The following FANCC variants were observed in gnomAD, a reference collection of about 807,000 sequenced individuals.
FANCC encodes the protein FA complementation group C, also known as Fanconi anemia group C protein.
FANCC carries 55 observed loss-of-function variants against 71.3 expected under a neutral mutation model. That is an observed-to-expected ratio of 0.77 (90% confidence interval 0.62 to 0.97). FANCC has a LOEUF of 0.97. Among genes scored for constraint, FANCC ranks in the 50% least tolerant of loss-of-function variants. The pLI is 0.00. For missense variants in FANCC, 678 were observed against 670.9 expected, an observed-to-expected ratio of 1.01 and a Z score of -0.12; for synonymous variants, 275 against 244.9, an observed-to-expected ratio of 1.12 and a Z score of -1.15.
At chr9:95,261,335 C>T (rs553130076) in intron 1 of FANCC, among the ~76,000 whole-genome samples, 1 of 152,272 alleles carries the variant, frequency 6.6e-6, no homozygotes, top group African/African-American at 2.4e-5. Context: ...TTATCTTGCT[C>T]CAAATGTAAG....
chr9:95,127,962 G>A (rs1826259392), intron 8 of FANCC, among the ~76,000 whole-genome samples: 1 of 152,214 alleles, frequency 6.6e-6, no homozygotes, highest in Non-Finnish European at 1.5e-5. Flanking sequence ...AATAATCTAT[G>A]CTCCCTCATC....
At chr9:95,293,362 C>T (rs1834174118) in intron 1 of FANCC, 1 of 1,596,482 alleles carries the variant, frequency 6.3e-7, no homozygotes, top group East Asian at 2.2e-5. Context: ...GGGCTGTGCA[C>T]TTACTGCCTG....
At chr9:95,120,278 C>T (rs1465653708) in intron 10 of FANCC, among the ~76,000 whole-genome samples, 1 of 152,188 alleles carries the variant, frequency 6.6e-6, no homozygotes, top group African/African-American at 2.4e-5. Context: ...TTCCTTTCCC[C>T]ATTGAATTGT....
At chr9:95,183,074 A>T (rs1588240246) in intron 4 of FANCC, among the ~76,000 whole-genome samples, 1 of 152,032 alleles carries the variant, frequency 6.6e-6, no homozygotes, top group Non-Finnish European at 1.5e-5. Context: ...CTGGTCACCA[A>T]ATTCACCCAG....
chr9:95,260,668 A>G (rs1187685408), intron 1 of FANCC, among the ~76,000 whole-genome samples: 1 of 143,114 alleles, frequency 7.0e-6, no homozygotes, highest in Non-Finnish European at 1.5e-5. Context: ...CTGCACATGT[A>G]TCTCAGAACT....
At position 95,254,613 on chromosome 9, in the gene FANCC, A is replaced by G. The variant is rs562467281; in HGVS notation, c.-78-5244T>C. On this transcript the variant is annotated intron_variant, in intron 1 of 14. Transcript: ENST00000289081. ...CCAGAAGATTCCCTTGGGTGCCTAC[A>G]CCACCAGGGCCCTGGGTTTTAAGCA... 1.3e-4 allele frequency among the ~76,000 whole-genome samples: 20 copies of G among 152,280 alleles called. 1 individual carries two copies. In the South Asian group the frequency reaches 3.5e-3, roughly 27 times the overall value.
intron 1 of FANCC, among the ~76,000 whole-genome samples, chr9:95,278,923 T>C (rs1175694528): frequency 6.6e-6 from 1 of 152,092 alleles, no homozygotes; most frequent in African/African-American, 2.4e-5. Context: ...TTACTACTCA[T>C]GCCTGTAATC....
Position 95,101,633 on chromosome 9 carries a change from CA to C in FANCC, c.*73del, listed in dbSNP as rs926261922. 6 of 1,593,000 alleles carry C rather than the reference CA, an allele frequency of 3.8e-6. No homozygotes were observed. The African/African-American group carries it at 8.1e-5, about 21-fold the overall frequency. On this transcript the variant is annotated 3_prime_UTR_variant, in exon 15 of 15. Coordinates refer to ENST00000289081, the MANE Select transcript of FANCC (RefSeq NM_000136.3). ...CACTTACTCCACAAATGCGTGGCCA[CA>C]GGTCATCACCTGTCCTGTGGCCCTG...
At chr9:95,186,795 T>TTTTA (rs1196081402) in intron 4 of FANCC, among the ~76,000 whole-genome samples, 4 of 151,114 alleles carry the variant, frequency 2.6e-5, no homozygotes, top group African/African-American at 9.7e-5. Context: ...GTTGGATTTT[T>TTTTA]TTTTTTTTTT....
chr9:95,266,906 T>C (rs1026150787), intron 1 of FANCC, among the ~76,000 whole-genome samples: 1 of 152,182 alleles, frequency 6.6e-6, no homozygotes, highest in Non-Finnish European at 1.5e-5. Flanking sequence ...CCAGTTAAGA[T>C]GGCACGGTAA....
intron 1 of FANCC, among the ~76,000 whole-genome samples, chr9:95,312,887 G>C (rs1191495701): frequency 1.3e-5 from 2 of 152,220 alleles, no homozygotes; most frequent in Non-Finnish European, 2.9e-5. Context: ...TGTGGGTGCT[G>C]TACCAGTACA....
chr9:95,229,297 CA>C (rs34502007), intron 4 of FANCC, among the ~76,000 whole-genome samples: 53,636 of 99,502 alleles, frequency 0.54, 12,549 homozygotes, highest in Middle Eastern at 0.64. Context: ...GATTCCTTCT[CA>C]AAAAAAAAAA....
At chr9:95,111,417 C>A (rs2071919966) in intron 13 of FANCC, 46 bp downstream of exon 13, 2 of 1,600,316 alleles carry the variant, frequency 1.2e-6, no homozygotes, top group Non-Finnish European at 1.7e-6. Flanking sequence ...TCCTCTCAGC[C>A]CCCCAGAGCC....
At chr9:95,288,328 G>C (rs1050692351) in intron 1 of FANCC, among the ~76,000 whole-genome samples, 6 of 152,048 alleles carry the variant, frequency 3.9e-5, no homozygotes, top group African/African-American at 1.4e-4. Context: ...ACTTGGTTTG[G>C]CTAGTATAAT....
chr9:95,217,865 G>C (rs1828972546), intron 4 of FANCC, among the ~76,000 whole-genome samples: 3 of 151,944 alleles, frequency 2.0e-5, no homozygotes, highest in African/African-American at 7.2e-5. Context: ...TCAGTTCATG[G>C]GGGAGAAAAA....
At chr9:95,301,205 C>T (rs1443010284) in intron 1 of FANCC, among the ~76,000 whole-genome samples, 1 of 151,288 alleles carries the variant, frequency 6.6e-6, no homozygotes, top group African/African-American at 2.4e-5. Context: ...CACACACACA[C>T]AAAATTGTTA....
intron 6 of FANCC, among the ~76,000 whole-genome samples, chr9:95,167,619 C>T (rs1051280917): frequency 2.0e-5 from 3 of 152,122 alleles, no homozygotes; most frequent in African/African-American, 7.2e-5. Context: ...TTTCAATTCA[C>T]TTATTGTGGT....
intron 4 of FANCC, among the ~76,000 whole-genome samples, chr9:95,205,027 C>G (rs574594198): frequency 5.1e-4 from 78 of 152,298 alleles, no homozygotes; most frequent in African/African-American, 1.8e-3. Context: ...AGCTTTATCA[C>G]AAATGAAAAT....
At chr9:95,205,221 C>T (rs1828044972) in intron 4 of FANCC, among the ~76,000 whole-genome samples, 1 of 152,072 alleles carries the variant, frequency 6.6e-6, no homozygotes, top group African/African-American at 2.4e-5. Flanking sequence ...GTTAGCAATT[C>T]ATTTTTAATC....
Sources: allele counts gnomAD v4.1 joint callset (sites outside exome capture counted in the v4.1 genomes callset), GRCh38; gene constraint gnomAD v4.1.1; transcripts MANE v1.5; gene names NCBI Gene and HGNC (gene_info 2026-07-23, HGNC 2026-07-21).